Variants in PCDHA1 observed in about 807,000 individuals in gnomAD.
The protein encoded by PCDHA1 is protocadherin alpha-1.
In PCDHA1, 42 loss-of-function variants were observed where a neutral mutation model predicts 61.3. That is an observed-to-expected ratio of 0.69 (90% CI 0.54 to 0.89). The LOEUF is 0.89. PCDHA1 is among the 40% of genes least tolerant of loss of function. PCDHA1 has a pLI of 0.00. For synonymous variants in PCDHA1, 610 were observed against 553.8 expected (o/e 1.10, Z -1.43); for missense variants, 1,256 against 1,235.3 (o/e 1.02, Z -0.25).
chr5:140,860,977 T>A (rs1314844613), intron 1 of PCDHA1: 1 of 152,212 alleles, frequency 6.6e-6, no homozygotes, highest in African/African-American at 2.4e-5. Flanking sequence ...GACCTCGTGA[T>A]CCACCGGCCT....
Position 140,927,380 on chromosome 5 carries a change from T to A in PCDHA1, c.2395-51569T>A, listed in dbSNP as rs1245076146. 1 of 1,614,198 alleles carries A rather than the reference T, an allele frequency of 6.2e-7. No individual in the cohort carries two copies. Among genetic ancestry groups the A allele is most frequent in the African/African-American group, 1.3e-5 (1 of 75,060 alleles). On this transcript the variant is annotated intron_variant, in intron 1 of 3. Transcript: ENST00000504120. ...AGCAATGGGATACTAAGCTACAGCCTAAGCCCCAGTCAGCACTTTCGCCTG... is the reference window on the plus strand; with the variant it reads ...AGCAATGGGATACTAAGCTACAGCCAAAGCCCCAGTCAGCACTTTCGCCTG...
intron 1 of PCDHA1, among the ~76,000 whole-genome samples, chr5:140,941,202 C>CCTTTCTTCCTTCCTTTCTTTCTTTCTTT (rs1394736170): frequency 4.9e-5 from 6 of 122,740 alleles, no homozygotes; most frequent in Admixed American, 1.7e-4. Context: ...TTTCTTTCTT[C>CCTTTCTTCCTTCCTTTCTTTCTTTCTTT]CTTTCTTTCT....
At chr5:140,998,347 T>C (rs2097807005) in intron 3 of PCDHA1, among the ~76,000 whole-genome samples, 1 of 152,202 alleles carries the variant, frequency 6.6e-6, no homozygotes, top group Non-Finnish European at 1.5e-5. Context: ...TCTGAGTCTG[T>C]GCTCTTAACC....
At chr5:140,857,667 G>T (rs375722457) in intron 1 of PCDHA1, 10 of 1,596,922 alleles carry the variant, frequency 6.3e-6, no homozygotes, top group East Asian at 4.5e-5. Flanking sequence ...CGCGATGGGG[G>T]CGTGCCGCCT....
At chr5:140,841,860 T>C (rs2150324281) in intron 1 of PCDHA1, 1 of 1,613,766 alleles carries the variant, frequency 6.2e-7, no homozygotes, top group Admixed American at 1.7e-5. Context: ...TACTTCATGC[T>C]AGATGTGAAT....
rs150635079 is a variant in PCDHA1 at position 140,787,710 on chromosome 5, A to G, written c.1420A>G (p.Ile474Val). The G allele has an allele frequency of 2.4e-3, 3,814 of 1,613,832 alleles. 15 individuals are homozygous for G. Among genetic ancestry groups the G allele is most frequent in the Middle Eastern group, 8.4e-3 (50 of 5,936 alleles). Residue 474 changes from isoleucine to valine, a missense_variant, in exon 1 of 4, where the codon ATC (isoleucine) becomes GTC (valine). By Grantham distance (29) the Ile-to-Val change is conservative (BLOSUM62 3). Transcript: ENST00000504120. ...GGAGAACAACCCGCCGGGCTGCCAC[A>G]TCTTCACGGTGTCTGCGCGGGACGC... ...VKENNPPGCH[I>V]FTVSARDADA...
intron 1 of PCDHA1, among the ~76,000 whole-genome samples, chr5:140,798,690 T>C (rs1762351205): frequency 6.6e-6 from 1 of 152,230 alleles, no homozygotes; most frequent in Non-Finnish European, 1.5e-5. Context: ...TTGGAATTTT[T>C]CCAAAAGATG....
intron 1 of PCDHA1, among the ~76,000 whole-genome samples, chr5:140,898,461 G>T (rs1393934497): frequency 4.6e-5 from 7 of 152,102 alleles, no homozygotes; most frequent in Non-Finnish European, 8.8e-5. Flanking sequence ...TTTCCCCATT[G>T]CTTGTTTTTC....
intron 1 of PCDHA1, among the ~76,000 whole-genome samples, chr5:140,955,810 A>G (rs1171384572): frequency 1.3e-5 from 2 of 152,090 alleles, no homozygotes; most frequent in Non-Finnish European, 2.9e-5. Context: ...GTTTGTGTCC[A>G]CTGTGATTTC....
At chr5:140,983,272 G>A (rs2097037556) in intron 3 of PCDHA1, among the ~76,000 whole-genome samples, 1 of 152,176 alleles carries the variant, frequency 6.6e-6, no homozygotes, top group African/African-American at 2.4e-5. Context: ...TAATGGCTGG[G>A]TGAGTATAGG....
intron 1 of PCDHA1, chr5:140,808,748 C>T (rs1554124750): frequency 1.2e-6 from 2 of 1,612,178 alleles, no homozygotes; most frequent in Non-Finnish European, 1.7e-6. Context: ...GTACGCGCTG[C>T]AGCCGCTGGA....
At chr5:140,829,722 C>A (rs2150173408) in intron 1 of PCDHA1, 4 of 1,613,622 alleles carry the variant, frequency 2.5e-6, no homozygotes, top group Non-Finnish European at 2.5e-6. Flanking sequence ...GGCGTGCCGC[C>A]TCTGGGCAGC....
intron 1 of PCDHA1, chr5:140,927,305 C>A: frequency 6.2e-7 from 1 of 1,614,190 alleles, no homozygotes; most frequent in African/African-American, 1.3e-5. Flanking sequence ...GAGTTCCTGA[C>A]GCCCGGAGCC....
At chr5:140,919,593 T>C (rs541275874) in intron 1 of PCDHA1, among the ~76,000 whole-genome samples, 1 of 152,214 alleles carries the variant, frequency 6.6e-6, no homozygotes, top group Non-Finnish European at 1.5e-5. Context: ...TGGTAATTTT[T>C]AAAATAAATT....
At chr5:140,877,633 C>A (rs1366996546) in intron 1 of PCDHA1, 7 of 1,613,622 alleles carry the variant, frequency 4.3e-6, no homozygotes, top group Non-Finnish European at 5.1e-6. Context: ...GTACACTGCG[C>A]TGCGTTGCTC....
At chr5:140,840,903 C>A (rs933771737) in intron 1 of PCDHA1, among the ~76,000 whole-genome samples, 3 of 151,914 alleles carry the variant, frequency 2.0e-5, no homozygotes, top group Admixed American at 6.6e-5. Context: ...ACATACAGGT[C>A]ATACTTAAAT....
At chr5:140,871,700 A>G in intron 1 of PCDHA1, 1 of 896,726 alleles carries the variant, frequency 1.1e-6, no homozygotes, top group Non-Finnish European at 1.6e-6. Flanking sequence ...TTCTTTAACC[A>G]ATAAATGTCC....
chr5:140,833,326 A>G (rs1772407379), intron 1 of PCDHA1, among the ~76,000 whole-genome samples: 1 of 152,216 alleles, frequency 6.6e-6, no homozygotes, highest in Non-Finnish European at 1.5e-5. Flanking sequence ...GCCATTGGGA[A>G]CATTGGAGTG....
At chr5:140,792,775 A>G (rs548781260) in intron 1 of PCDHA1, among the ~76,000 whole-genome samples, 1 of 152,326 alleles carries the variant, frequency 6.6e-6, no homozygotes, top group South Asian at 2.1e-4. Flanking sequence ...TGTTGGCTAT[A>G]GATTAAATAA....
Sources: gnomAD v4.1 joint callset for allele counts (sites outside exome capture counted in the v4.1 genomes callset) on GRCh38, gnomAD v4.1.1 for gene constraint, MANE v1.5 for transcripts, NCBI Gene and HGNC (gene_info 2026-07-23, HGNC 2026-07-21) for gene names.